The following DISP1 variants were observed in gnomAD, a reference collection of about 807,000 sequenced individuals.
DISP1 encodes protein dispatched homolog 1.
In DISP1, 30 loss-of-function variants were observed where a neutral mutation model predicts 37.3. The ratio of observed to expected loss-of-function variants is 0.80; its 90% CI spans 0.60 to 1.09. DISP1 has a LOEUF of 1.09. DISP1 is among the 50% of genes least tolerant of loss of function. The probability of loss-of-function intolerance (pLI) is 0.00; values close to 1 mark genes in which losing one functional copy is unlikely to be tolerated. For missense variants in DISP1, 1,598 were observed against 1,879.5 expected (o/e 0.85, Z 2.77); for synonymous variants, 634 against 690.2 (o/e 0.92, Z 1.28).
intron 1 of DISP1, among the ~76,000 whole-genome samples, chr1:222,856,266 G>C (rs1668540673): frequency 6.6e-6 from 1 of 152,186 alleles, no homozygotes. Context: ...AAAAATTCCT[G>C]TAGCCCAGAT....
At chr1:222,861,763 C>CT (rs1181644987) in intron 1 of DISP1, among the ~76,000 whole-genome samples, 1 of 152,066 alleles carries the variant, frequency 6.6e-6, no homozygotes, top group Non-Finnish European at 1.5e-5. Context: ...GCAAGTTATA[C>CT]TTTTTTTCTG....
rs564507331 is a variant in DISP1, at chr1:222,817,218, C to T, written c.-159+2140C>T. ...GATTTAGATGTATTTTACAGTTTAACCAATAATGGCAGTTTTTGATTAAGT... is the reference window on the plus strand; with the variant it reads ...GATTTAGATGTATTTTACAGTTTAATCAATAATGGCAGTTTTTGATTAAGT... On this transcript the variant is annotated intron_variant, in intron 1 of 8. Coordinates refer to ENST00000675850, the MANE Select transcript of DISP1 (RefSeq NM_001377229.1). Among the ~76,000 whole-genome samples, 5 of 152,286 alleles carry T rather than the reference C, an allele frequency of 3.3e-5. No homozygotes were observed. The South Asian group carries it at 8.3e-4, about 25-fold the overall frequency.
intron 8 of DISP1, among the ~76,000 whole-genome samples, chr1:222,998,314 A>G (rs2889946): frequency 0.48 from 71,450 of 150,058 alleles, 18,783 homozygotes; most frequent in Non-Finnish European, 0.6. Flanking sequence ...GGCGCAACCA[A>G]GCAATAGCAA....
chr1:222,843,563 T>TGG (rs34720346), intron 1 of DISP1, among the ~76,000 whole-genome samples: 17 of 146,226 alleles, frequency 1.2e-4, no homozygotes, highest in Non-Finnish European at 1.8e-4. Flanking sequence ...TAATGAAGGA[T>TGG]GGGGGGGGGA....
At chr1:222,921,644 G>A (rs1672814201) in intron 1 of DISP1, among the ~76,000 whole-genome samples, 1 of 152,022 alleles carries the variant, frequency 6.6e-6, no homozygotes, top group Admixed American at 6.6e-5. Context: ...CAGTAAAATA[G>A]GATTTTGTAT....
chr1:222,831,499 A>T (rs1665736280), intron 1 of DISP1, among the ~76,000 whole-genome samples: 2 of 152,240 alleles, frequency 1.3e-5, no homozygotes, highest in Non-Finnish European at 2.9e-5. Flanking sequence ...GGAATTGTCC[A>T]TAAAGACCCT....
At chr1:222,861,905 A>G (rs2125327578) in intron 1 of DISP1, among the ~76,000 whole-genome samples, 1 of 151,772 alleles carries the variant, frequency 6.6e-6, no homozygotes, top group African/African-American at 2.4e-5. Context: ...TACAGTGGGG[A>G]AAATGTTTAC....
At chr1:222,951,613 C>A (rs1446521918) in intron 3 of DISP1, among the ~76,000 whole-genome samples, 6 of 152,228 alleles carry the variant, frequency 3.9e-5, no homozygotes, top group African/African-American at 1.4e-4. Context: ...TTACTCAGAT[C>A]ACCCAGAGTC....
At chr1:222,957,145 T>TAAAAAAAAA (rs35888809) in intron 3 of DISP1, among the ~76,000 whole-genome samples, 1 of 103,270 alleles carries the variant, frequency 9.7e-6, no homozygotes, top group African/African-American at 3.7e-5. Flanking sequence ...TTTACTATTG[T>TAAAAAAAAA]AAAAAAAAAA....
At chr1:222,825,679 A>G (rs1664192312) in intron 1 of DISP1, among the ~76,000 whole-genome samples, 2 of 151,448 alleles carry the variant, frequency 1.3e-5, no homozygotes, top group Non-Finnish European at 2.9e-5. Context: ...TTTTTTGTAT[A>G]TTTGGTAGAG....
chr1:222,865,069 G>C (rs1241406913), intron 1 of DISP1, among the ~76,000 whole-genome samples: 3 of 151,580 alleles, frequency 2.0e-5, no homozygotes, highest in Non-Finnish European at 4.4e-5. Context: ...CTCAGGAAAC[G>C]TGGTATATTT....
chr1:222,901,421 G>C (rs938284958), intron 1 of DISP1, among the ~76,000 whole-genome samples: 22 of 152,282 alleles, frequency 1.4e-4, no homozygotes, highest in East Asian at 1.9e-4. Flanking sequence ...TTAAAGTACT[G>C]AGGGAAATAA....
intron 1 of DISP1, among the ~76,000 whole-genome samples, chr1:222,833,118 ATGT>A (rs1360924982): frequency 1.3e-5 from 2 of 152,078 alleles, no homozygotes; most frequent in Non-Finnish European, 2.9e-5. Flanking sequence ...ATTGCTGCTG[ATGT>A]TTAAATCAGA....
chr1:222,831,720 A>G (rs971018997), intron 1 of DISP1, among the ~76,000 whole-genome samples: 1 of 152,232 alleles, frequency 6.6e-6, no homozygotes, highest in Admixed American at 6.5e-5. Flanking sequence ...TGTGGGGGAC[A>G]AAGTACCCAG....
chr1:222,936,800 T>TATCA (rs61201340), intron 2 of DISP1, among the ~76,000 whole-genome samples: 1 of 64,176 alleles, frequency 1.6e-5, no homozygotes, highest in Non-Finnish European at 2.8e-5. Flanking sequence ...ATATAATATA[T>TATCA]TATATATATA....
intron 2 of DISP1, among the ~76,000 whole-genome samples, chr1:222,936,886 A>AAAT (rs1558340360): frequency 1.2e-5 from 1 of 86,762 alleles, no homozygotes; most frequent in African/African-American, 4.8e-5. Flanking sequence ...TATGATATAT[A>AAAT]TAATATATTA....
intron 1 of DISP1, among the ~76,000 whole-genome samples, chr1:222,827,991 C>T (rs1202030810): frequency 6.6e-6 from 1 of 152,150 alleles, no homozygotes; most frequent in Non-Finnish European, 1.5e-5. Flanking sequence ...ACTTCAGTGT[C>T]ATGAAATGAA....
At chr1:222,865,709 T>C (rs1192863869) in intron 1 of DISP1, among the ~76,000 whole-genome samples, 1 of 152,210 alleles carries the variant, frequency 6.6e-6, no homozygotes, top group Non-Finnish European at 1.5e-5. Flanking sequence ...ATATCATAGA[T>C]TCCCTGTTCC....
At chr1:222,954,997 G>C (rs1358381604) in intron 3 of DISP1, among the ~76,000 whole-genome samples, 1 of 152,128 alleles carries the variant, frequency 6.6e-6, no homozygotes, top group Admixed American at 6.5e-5. Flanking sequence ...CCTTTGTCTG[G>C]AGAAGGGCCA....
Sources: gnomAD v4.1 joint callset for allele counts (sites outside exome capture counted in the v4.1 genomes callset) on GRCh38, gnomAD v4.1.1 for gene constraint, MANE v1.5 for transcripts, NCBI Gene and HGNC (gene_info 2026-07-23, HGNC 2026-07-21) for gene names.